The following AKR1C8 variants were observed in gnomAD, a reference collection of about 807,000 sequenced individuals.
AKR1C8 encodes aldo-keto reductase family 1 member C8.
chr10:5,141,738 G>C, the AKR1C8 span, among the ~76,000 whole-genome samples: 1,084 of 152,184 alleles, frequency 7.1e-3, 2 homozygotes, highest in Non-Finnish European at 0.011. Flanking sequence ...TTTTTGAGCA[G>C]GTTTCAACTT....
At chr10:5,144,527 C>G in the AKR1C8 span, among the ~76,000 whole-genome samples, 61 of 150,790 alleles carry the variant, frequency 4.0e-4, no homozygotes, top group African/African-American at 1.1e-3. Flanking sequence ...TCTTCCATTT[C>G]TTTGTATCCT....
the AKR1C8 span, chr10:5,161,821 A>G: frequency 1.9e-6 from 1 of 534,716 alleles, no homozygotes; most frequent in Non-Finnish European, 3.8e-6. Flanking sequence ...ATGATGAAAC[A>G]GTCTTGGGCA....
At chr10:5,129,416 T>G in the AKR1C8 span, among the ~76,000 whole-genome samples, 1 of 151,602 alleles carries the variant, frequency 6.6e-6, no homozygotes, top group East Asian at 1.9e-4. Flanking sequence ...AGAAAAGAAA[T>G]AATATCAGAA....
At chr10:5,160,136 C>CCTGG in the AKR1C8 span, 1 of 261,860 alleles carries the variant, frequency 3.8e-6, no homozygotes, top group Non-Finnish European at 8.3e-6. Context: ...AGTTTTATCA[C>CCTGG]TTGAATATAC....
At chr10:5,133,896 A>C in the AKR1C8 span, among the ~76,000 whole-genome samples, 2 of 152,218 alleles carry the variant, frequency 1.3e-5, no homozygotes, top group Non-Finnish European at 2.9e-5. Context: ...AGATTTATAC[A>C]TAAGAAATTA....
At chr10:5,147,882 G>A in the AKR1C8 span, among the ~76,000 whole-genome samples, 1 of 152,174 alleles carries the variant, frequency 6.6e-6, no homozygotes, top group African/African-American at 2.4e-5. Flanking sequence ...ACACCATGGT[G>A]ACTTCTGATC....
the AKR1C8 span, among the ~76,000 whole-genome samples, chr10:5,175,159 T>C: frequency 7.9e-6 from 1 of 126,268 alleles, no homozygotes; most frequent in Non-Finnish European, 1.6e-5. Flanking sequence ...CAGAGTGTGA[T>C]GTTCCCCTTC....
chr10:5,162,992 G>A, the AKR1C8 span: 4 of 534,186 alleles, frequency 7.5e-6, no homozygotes, highest in Admixed American at 3.9e-5. Context: ...AGCCACTTTG[G>A]TGGCCTCGGC....
chr10:5,125,380 C>T, the AKR1C8 span, among the ~76,000 whole-genome samples: 3 of 152,048 alleles, frequency 2.0e-5, no homozygotes, highest in Non-Finnish European at 4.4e-5. Context: ...GCTTTGAAAG[C>T]TACCCACCCT....
the AKR1C8 span, among the ~76,000 whole-genome samples, chr10:5,151,069 T>C: frequency 2.0e-5 from 3 of 151,828 alleles, no homozygotes; most frequent in Admixed American, 2.0e-4. Flanking sequence ...TCATAGGGAG[T>C]TGAAGCTGTC....
chr10:5,121,080 CTTTT>C, the AKR1C8 span, among the ~76,000 whole-genome samples: 12,988 of 151,890 alleles, frequency 0.086, 666 homozygotes, highest in Admixed American at 0.14. Context: ...AGAGGCTTTT[CTTTT>C]TTTGATTTTT....
chr10:5,177,706 G>T, the AKR1C8 span, among the ~76,000 whole-genome samples: 1 of 152,178 alleles, frequency 6.6e-6, no homozygotes, highest in Non-Finnish European at 1.5e-5. Context: ...GTTTAGTCTT[G>T]GGAGGGTGTA....
At chr10:5,130,893 A>G in the AKR1C8 span, among the ~76,000 whole-genome samples, 3 of 152,002 alleles carry the variant, frequency 2.0e-5, no homozygotes, top group Non-Finnish European at 2.9e-5. Flanking sequence ...CCAAAGCAAT[A>G]CTAAGCAAAA....
At chr10:5,126,654 G>T in the AKR1C8 span, among the ~76,000 whole-genome samples, 3 of 151,924 alleles carry the variant, frequency 2.0e-5, no homozygotes, top group Non-Finnish European at 2.9e-5. Flanking sequence ...ATAAAATACT[G>T]GGAAAAAATT....
At chr10:5,141,012 T>C in the AKR1C8 span, among the ~76,000 whole-genome samples, 1 of 152,290 alleles carries the variant, frequency 6.6e-6, no homozygotes, top group South Asian at 2.1e-4. Context: ...GAGATTTCTC[T>C]GCTGTTTGAC....
At chr10:5,151,219 A>T in the AKR1C8 span, among the ~76,000 whole-genome samples, 1 of 152,132 alleles carries the variant, frequency 6.6e-6, no homozygotes, top group Non-Finnish European at 1.5e-5. Context: ...TACAAAAGTG[A>T]TGTTATCCAG....
chr10:5,170,383 G>C, the AKR1C8 span, among the ~76,000 whole-genome samples: 12 of 152,040 alleles, frequency 7.9e-5, no homozygotes, highest in Non-Finnish European at 1.8e-4. Flanking sequence ...ATTATGGTAG[G>C]ATTGGTCTGC....
the AKR1C8 span, among the ~76,000 whole-genome samples, chr10:5,138,517 A>T: frequency 6.6e-6 from 1 of 152,142 alleles, no homozygotes; most frequent in Non-Finnish European, 1.5e-5. Flanking sequence ...TATTGTTCAA[A>T]CACACAAGTT....
At chr10:5,164,316 C>G in the AKR1C8 span, among the ~76,000 whole-genome samples, 6 of 152,016 alleles carry the variant, frequency 3.9e-5, no homozygotes, top group South Asian at 2.1e-4. Context: ...ACCATTCAGG[C>G]CCCCTCTCTA....
Sources: gnomAD v4.1 joint callset for allele counts (sites outside exome capture counted in the v4.1 genomes callset) on GRCh38, gnomAD v4.1.1 for gene constraint, MANE v1.5 for transcripts, NCBI Gene and HGNC (gene_info 2026-07-23, HGNC 2026-07-21) for gene names.